IMPG2: variants seen among roughly 807,000 people sequenced by gnomAD.
The protein encoded by IMPG2 is interphotoreceptor matrix proteoglycan 2.
In IMPG2, 91 loss-of-function variants were observed where a neutral mutation model predicts 129.2. The ratio of observed to expected loss-of-function variants is 0.70; its 90% CI spans 0.59 to 0.84. The LOEUF is 0.84. IMPG2 is among the 40% of genes least tolerant of loss of function. The pLI is 0.00. For synonymous variants in IMPG2, 510 were observed against 517.7 expected, an observed-to-expected ratio of 0.99 and a Z score of 0.20; for missense variants, 1,430 against 1,461.7, an observed-to-expected ratio of 0.98 and a Z score of 0.35.
intron 3 of IMPG2, among the ~76,000 whole-genome samples, chr3:101,303,359 G>A (rs1483184129): frequency 6.6e-6 from 1 of 152,164 alleles, no homozygotes; most frequent in African/African-American, 2.4e-5. Flanking sequence ...AATATAAACA[G>A]TACAGTATTA....
chr3:101,241,925 A>G (rs892215110), intron 14 of IMPG2, among the ~76,000 whole-genome samples: 3 of 152,074 alleles, frequency 2.0e-5, no homozygotes, highest in African/African-American at 7.2e-5. Context: ...GCTACTCGGG[A>G]GGCTGAGGCA....
intron 3 of IMPG2, among the ~76,000 whole-genome samples, chr3:101,292,504 CA>C (rs1707030327): frequency 1.3e-5 from 2 of 152,132 alleles, no homozygotes; most frequent in Admixed American, 1.3e-4. Context: ...CTAAAAAATG[CA>C]AACAATCCTC....
At chr3:101,236,943 G>T (rs1706353090) in intron 14 of IMPG2, among the ~76,000 whole-genome samples, 1 of 152,216 alleles carries the variant, frequency 6.6e-6, no homozygotes, top group Non-Finnish European at 1.5e-5. Flanking sequence ...CCCCCACGGA[G>T]CACAGCAAGC....
At position 101,245,811 on chromosome 3, in the gene IMPG2, C is replaced by G. The variant is rs1288403140; in HGVS notation, c.1534G>C (p.Val512Leu). ...SEERTSGSHLVEDGLANVEES... is the reference protein window; with the variant it reads ...SEERTSGSHLLEDGLANVEES... ...AATTAAAGTTTCTCACCATCTTCTA[C>G]CAAGTGAGATCCAGAAGTCCTTTCC... The change falls in exon 12 of 19, where the codon GTA becomes CTA. Residue 512 changes from valine to leucine, a missense_variant. Val to Leu is a conservative substitution (Grantham distance 32, BLOSUM62 1). Transcript: ENST00000193391. 6.2e-7 allele frequency: 1 copy of G among 1,613,672 alleles called. No individual in the cohort carries two copies. Among genetic ancestry groups the G allele is most frequent in the Non-Finnish European group, 8.5e-7 (1 of 1,179,692 alleles).
At chr3:101,307,128 G>A (rs1707213764) in intron 2 of IMPG2, among the ~76,000 whole-genome samples, 1 of 152,144 alleles carries the variant, frequency 6.6e-6, no homozygotes. Flanking sequence ...TAGCCAATGA[G>A]TATGTGAAAA....
Position 101,232,788 on chromosome 3 carries a change from T to C in IMPG2, c.3226A>G (p.Ile1076Val), listed in dbSNP as rs1706303810. The stretch of plus-strand genomic sequence containing the variant: ...TCTGTAACTACAACATACCTACAAA[T>C]GGCCCCGTGCCCAGGCATAATGTCA... ...KCDIMPGHGA[I>V]CRCRVGENWW... is the part of the protein sequence containing the mutation. Residue 1076 changes from isoleucine to valine, a missense_variant, in exon 15 of 19, where the codon ATT becomes GTT. Transcript: ENST00000193391. 6.2e-7 allele frequency: 1 copy of C among 1,613,626 alleles called. No individual in the cohort carries two copies. Among genetic ancestry groups the C allele is most frequent in the Non-Finnish European group, 8.5e-7 (1 of 1,179,864 alleles).
rs1434081359 is a variant in IMPG2, at chr3:101,244,610, G to A, written c.1721C>T (p.Ser574Phe). 3 of 1,598,916 alleles carry A rather than the reference G, an allele frequency of 1.9e-6. No individual in the cohort carries two copies. The highest frequency in any genetic ancestry group is 1.7e-5 in the Admixed American group (1 of 57,606). ...SIPFGLDSLTSKVKDQLKVSP... is the reference protein window; with the variant it reads ...SIPFGLDSLTFKVKDQLKVSP... ...CACTTTTAATTGGTCTTTGACTTTGGAGGTCAAGGAGTCCAAGCCAAAAGG... is the reference window on the plus strand; with the variant it reads ...CACTTTTAATTGGTCTTTGACTTTGAAGGTCAAGGAGTCCAAGCCAAAAGG... The change falls in exon 13 of 19, where the codon TCC becomes TTC. Residue 574 changes from serine to phenylalanine, a missense_variant. Coordinates refer to ENST00000193391, the MANE Select transcript of IMPG2 (RefSeq NM_016247.4).
At chr3:101,285,289 A>C (rs964917199) in intron 4 of IMPG2, among the ~76,000 whole-genome samples, 2 of 152,134 alleles carry the variant, frequency 1.3e-5, no homozygotes, top group African/African-American at 2.4e-5. Flanking sequence ...CCAAAAGGAT[A>C]ATGCTGCGCT....
At chr3:101,269,618 A>G (rs753467586) in intron 7 of IMPG2, 45 bp from the exon 8 acceptor site, 3 of 1,076,418 alleles carry the variant, frequency 2.8e-6, no homozygotes, top group Non-Finnish European at 4.3e-6. Flanking sequence ...AAAAATATGG[A>G]AAAATATATA....
At chr3:101,305,137 T>C (rs1352284623) in intron 2 of IMPG2, among the ~76,000 whole-genome samples, 2 of 152,126 alleles carry the variant, frequency 1.3e-5, no homozygotes, top group African/African-American at 4.8e-5. Flanking sequence ...AACTGTGATA[T>C]ATCTAAAATA....
At position 101,245,907 on chromosome 3, in the gene IMPG2, C is replaced by T. The variant is rs1477637785; in HGVS notation, c.1438G>A (p.Glu480Lys). The change falls in exon 12 of 19, where the codon GAG (glutamate) becomes AAG (lysine). Residue 480 changes from glutamate to lysine, a missense_variant. Coordinates refer to ENST00000193391, the MANE Select transcript of IMPG2 (RefSeq NM_016247.4). Reference sequence around the variant, plus strand: ...GAATGAAGAGTCAAGCTGCTAACCTCTAAAACCTCTGGGGAAGAGCTGAGG... The same window carrying T: ...GAATGAAGAGTCAAGCTGCTAACCTTTAAAACCTCTGGGGAAGAGCTGAGG... ...MGLSSSPEVL[E>K]VSSLTLHSVT... 6.2e-7 allele frequency: 1 copy of T among 1,614,098 alleles called. No individual in the cohort carries two copies. Among genetic ancestry groups the T allele is most frequent in the African/African-American group, 1.3e-5 (1 of 74,952 alleles).
rs75439361 is a variant in IMPG2, at chr3:101,319,132, T to G, written c.334+452A>C. ...TTAGGCATTTACTGTAATGAAGAAG[T>G]AAAAATTAAAATTAATGTAGCCCAA... On this transcript the variant is annotated intron_variant, in intron 2 of 18. Coordinates refer to ENST00000193391, the MANE Select transcript of IMPG2 (RefSeq NM_016247.4). Among the ~76,000 whole-genome samples the G allele has an allele frequency of 9.6e-3, 1,466 of 152,180 alleles. 23 individuals are homozygous for G. The highest frequency in any genetic ancestry group is 0.033 in the African/African-American group (1,390 of 41,526).
intron 4 of IMPG2, among the ~76,000 whole-genome samples, chr3:101,283,710 A>G (rs1043324856): frequency 1.3e-5 from 2 of 152,186 alleles, no homozygotes; most frequent in Non-Finnish European, 1.5e-5. Flanking sequence ...AAAATACAAA[A>G]GAGTGCATGA....
At chr3:101,234,873 TTAAC>T (rs1706329208) in intron 14 of IMPG2, among the ~76,000 whole-genome samples, 1 of 152,196 alleles carries the variant, frequency 6.6e-6, no homozygotes, top group East Asian at 1.9e-4. Context: ...CTGAAGGCCT[TTAAC>T]TAAAAATATA....
chr3:101,312,611 A>C (rs1707279950), intron 2 of IMPG2, among the ~76,000 whole-genome samples: 1 of 152,122 alleles, frequency 6.6e-6, no homozygotes, highest in Non-Finnish European at 1.5e-5. Context: ...TTAGTCTGGC[A>C]GTTCCTCATG....
chr3:101,296,541 T>C (rs1707081729), intron 3 of IMPG2, among the ~76,000 whole-genome samples: 1 of 152,194 alleles, frequency 6.6e-6, no homozygotes, highest in South Asian at 2.1e-4. Flanking sequence ...TTGTTGCGTC[T>C]CTTCCAGGTT....
At chr3:101,316,314 A>G (rs2058785001) in intron 2 of IMPG2, among the ~76,000 whole-genome samples, 1 of 152,040 alleles carries the variant, frequency 6.6e-6, no homozygotes, top group Non-Finnish European at 1.5e-5. Context: ...AGAAAATAGA[A>G]AAGGCAAGCT....
At chr3:101,287,467 T>C (rs1559654050) in intron 4 of IMPG2, among the ~76,000 whole-genome samples, 4 of 152,154 alleles carry the variant, frequency 2.6e-5, no homozygotes, top group African/African-American at 9.7e-5. Flanking sequence ...GCCAGAGGCA[T>C]CACACTATCC....
intron 7 of IMPG2, among the ~76,000 whole-genome samples, chr3:101,272,845 C>G (rs917465062): frequency 3.3e-5 from 5 of 152,138 alleles, no homozygotes; most frequent in Non-Finnish European, 7.4e-5. Context: ...AGAACCCCAT[C>G]AAGAAGGAAT....
Sources: allele counts gnomAD v4.1 joint callset (sites outside exome capture counted in the v4.1 genomes callset), GRCh38; gene constraint gnomAD v4.1.1; transcripts MANE v1.5; gene names NCBI Gene and HGNC (gene_info 2026-07-23, HGNC 2026-07-21).